The following ATP1B2 variants were observed in gnomAD, a reference collection of about 807,000 sequenced individuals.
The protein encoded by ATP1B2 is ATPase Na+/K+ transporting subunit beta 2, also known as sodium/potassium-transporting ATPase subunit beta-2.
ATP1B2 carries 12 observed loss-of-function variants against 37.3 expected under a neutral mutation model. That is an observed-to-expected ratio of 0.32 (90% CI 0.21 to 0.52). The LOEUF is 0.52. ATP1B2 is among the 20% of genes least tolerant of loss of function. ATP1B2 has a pLI of 0.96. For missense variants in ATP1B2, 324 were observed against 391.6 expected (o/e 0.83, Z 1.46); for synonymous variants, 139 against 140.5 (o/e 0.99, Z 0.07).
chr17:7,647,560 C>T (rs1157747346), upstream of ATP1B2, among the ~76,000 whole-genome samples: 2 of 152,200 alleles, frequency 1.3e-5, no homozygotes, highest in African/African-American at 4.8e-5. Flanking sequence ...GTGGCTCACG[C>T]CTGTAATCCC....
Position 7,654,185 on chromosome 17 carries a change from C to T in ATP1B2, c.480C>T (p.Cys160=). Reference sequence around the variant, plus strand: ...TCAACCGGACCCAGCTGGGCAACTGCTCCGGCATTGGGGACTCCACCCACT... The same window carrying T: ...TCAACCGGACCCAGCTGGGCAACTGTTCCGGCATTGGGGACTCCACCCACT... ...CQFNRTQLGN[C]SGIGDSTHYG... The change falls in exon 4 of 7, where the codon TGC becomes TGT. Residue 160 remains cysteine (C), a synonymous_variant. Coordinates refer to ENST00000250111, the MANE Select transcript of ATP1B2 (RefSeq NM_001678.5). This position sits in a 1 kb window ranked among gnomAD's most constrained non-coding sequence, Gnocchi z 4.9. 6.2e-7 allele frequency: 1 copy of T among 1,614,238 alleles called. No homozygotes were observed.
In ATP1B2 at chr17:7,657,380, TA is replaced by T. The variant is rs796107217; in HGVS notation, c.*1495del. ...CCATCTCTTCAGACCCCTTTGCCTTTAAAAAAAAAACAAAAACAAAAACAAA... is the reference window on the plus strand; with the variant it reads ...CCATCTCTTCAGACCCCTTTGCCTTTAAAAAAAAACAAAAACAAAAACAAA... On this transcript the variant is annotated 3_prime_UTR_variant, in exon 7 of 7. Coordinates refer to ENST00000250111, the MANE Select transcript of ATP1B2 (RefSeq NM_001678.5). 1.1e-4 allele frequency: 16 copies of T among 146,634 alleles called. No individual in the cohort carries two copies. The highest frequency in any genetic ancestry group is 4.0e-4 in the East Asian group (2 of 5,056). The allele number at this position is 146,634 out of a possible 1,614,324, so 9.1% of individuals were successfully genotyped here.
upstream of ATP1B2, among the ~76,000 whole-genome samples, chr17:7,649,155 C>T (rs1597332958): frequency 6.6e-6 from 1 of 152,166 alleles, no homozygotes; most frequent in South Asian, 2.1e-4. Context: ...CAGGTTCAAG[C>T]AATTCTCTTG....
intron 1 of ATP1B2, among the ~76,000 whole-genome samples, chr17:7,652,785 G>A (rs537941668): frequency 6.6e-6 from 1 of 152,170 alleles, no homozygotes; most frequent in African/African-American, 2.4e-5. Flanking sequence ...CAGGGTGCTG[G>A]GTGTGAACTG....
chr17:7,656,638 GC>G lies in ATP1B2; in HGVS notation c.*748del. On this transcript the variant is annotated 3_prime_UTR_variant, in exon 7 of 7. Coordinates refer to ENST00000250111, the MANE Select transcript of ATP1B2 (RefSeq NM_001678.5). Reference sequence around the variant, plus strand: ...GACCCTTCCTGAAAATCCTCTAGCAGCCCCCGACTTCAGCAGTTTCTTTCTT... The same window carrying G: ...GACCCTTCCTGAAAATCCTCTAGCAGCCCCGACTTCAGCAGTTTCTTTCTT... The G allele has an allele frequency of 6.5e-6, 1 of 152,946 alleles. No individual in the cohort carries two copies. Among genetic ancestry groups the G allele is most frequent in the Non-Finnish European group, 1.5e-5 (1 of 68,656 alleles). The allele number at this position is 152,946 out of a possible 1,614,324, so 9.5% of individuals were successfully genotyped here. A position where few individuals can be genotyped will look rare whatever the true frequency, so the allele number is the denominator to read the frequency against.
At chr17:7,648,774 A>G (rs997306258), upstream of ATP1B2, among the ~76,000 whole-genome samples, 1 of 152,062 alleles carries the variant, frequency 6.6e-6, no homozygotes, top group African/African-American at 2.4e-5. Context: ...GCCACTCCTC[A>G]GCTGAAAGTT....
upstream of ATP1B2, among the ~76,000 whole-genome samples, chr17:7,647,443 C>T (rs968943029): frequency 6.6e-6 from 1 of 152,154 alleles, no homozygotes; most frequent in African/African-American, 2.4e-5. Flanking sequence ...GGCAGGATTG[C>T]TTGAGGCCAG....
At position 7,651,751 on chromosome 17, in the gene ATP1B2, C is replaced by T. The variant is rs147089330; in HGVS notation, c.112+121C>T. On this transcript the variant is annotated intron_variant, in intron 1 of 6. Transcript: ENST00000250111. Reference sequence around the variant, plus strand: ...GGTCCCCGGCGTCCAGCCTCCCTGCCGGGCTCTGGGCTGGGAGGGGGCCGA... The same window carrying T: ...GGTCCCCGGCGTCCAGCCTCCCTGCTGGGCTCTGGGCTGGGAGGGGGCCGA... 3.0e-3 allele frequency: 2,570 copies of T among 865,658 alleles called. 45 individuals are homozygous for T. In the African/African-American group the frequency reaches 0.041, roughly 14 times the overall value. The allele number at this position is 865,658 out of a possible 1,614,324, so 53.6% of individuals were successfully genotyped here.
upstream of ATP1B2, among the ~76,000 whole-genome samples, chr17:7,650,160 T>A (rs1281132888): frequency 2.6e-5 from 4 of 152,020 alleles, no homozygotes; most frequent in Non-Finnish European, 5.9e-5. Flanking sequence ...AGTAGACACA[T>A]AAGGAGGTGA....
Position 7,655,663 on chromosome 17 carries a change from G to T in ATP1B2, c.708+38G>T. On this transcript the variant is annotated intron_variant, in intron 6 of 6. Coordinates refer to ENST00000250111, the MANE Select transcript of ATP1B2 (RefSeq NM_001678.5). The surrounding 1 kb of genome is among the most constrained non-coding windows in gnomAD (Gnocchi z 4.4). ...GGAGGCCCAGGCTGATGGCGGGTGCGGGTGGTGAGCTAGGGAAGGAGGCCG... is the reference window on the plus strand; with the variant it reads ...GGAGGCCCAGGCTGATGGCGGGTGCTGGTGGTGAGCTAGGGAAGGAGGCCG... The T allele has an allele frequency of 1.2e-6, 2 of 1,613,900 alleles. No individual in the cohort carries two copies.
At position 7,654,570 on chromosome 17, in the gene ATP1B2, A is replaced by T. The variant is rs1163446870; in HGVS notation, c.553-58A>T. 3 of 1,571,518 alleles carry T rather than the reference A, an allele frequency of 1.9e-6. No individual in the cohort carries two copies. The highest frequency in any genetic ancestry group is 4.5e-5 in the East Asian group (2 of 44,646). On this transcript the variant is annotated intron_variant, in intron 4 of 6. Transcript: ENST00000250111. The surrounding 1 kb of genome is among the most constrained non-coding windows in gnomAD (Gnocchi z 4.9). ...CAGTCCCCGGCTTAGCTTGGTCTGG[A>T]TGCCCATCTTCGACAACTTCTTCCT...
At chr17:7,653,782 C>A (rs991292151) in intron 2 of ATP1B2, 59 bp from the exon 3 acceptor site, 77 of 1,534,198 alleles carry the variant, frequency 5.0e-5, no homozygotes, top group Non-Finnish European at 6.8e-5. Flanking sequence ...ATTTTCTTCC[C>A]TCTGTGTGCA....
rs1050540 is a variant in ATP1B2, at chr17:7,657,424, C to T, written c.*1529C>T. On this transcript the variant is annotated 3_prime_UTR_variant, in exon 7 of 7. Coordinates refer to ENST00000250111, the MANE Select transcript of ATP1B2 (RefSeq NM_001678.5). ...AAAACAAAAAAACCCATAATGCCCA[C>T]AGAATGTCAAATGAGGGGCCTCCTG... 47,695 of 152,008 alleles carry T rather than the reference C, an allele frequency of 0.31. 7,854 individuals are homozygous for T. Among genetic ancestry groups the T allele is most frequent in the Non-Finnish European group, 0.35 (23,491 of 68,054 alleles). 9.4% of individuals were successfully genotyped at this position (152,008 alleles called of 1,614,324 possible). A position where few individuals can be genotyped will look rare whatever the true frequency, so the allele number is the denominator to read the frequency against.
At chr17:7,650,742 G>A (rs1461410993), upstream of ATP1B2, among the ~76,000 whole-genome samples, 2 of 152,110 alleles carry the variant, frequency 1.3e-5, no homozygotes, top group Non-Finnish European at 2.9e-5. Flanking sequence ...CTGGGGTGGG[G>A]GTAATGGAGA....
chr17:7,654,393 G>C lies in ATP1B2; in HGVS notation c.552+136G>C. ...TTTGTGTAGCTGAGAGAAAAAGAGA[G>C]GTGGGACTCTTGGAGGCTAAGCTCT... On this transcript the variant is annotated intron_variant, in intron 4 of 6. Coordinates refer to ENST00000250111, the MANE Select transcript of ATP1B2 (RefSeq NM_001678.5). This position sits in a 1 kb window ranked among gnomAD's most constrained non-coding sequence, Gnocchi z 4.9. 8.5e-7 allele frequency: 1 copy of C among 1,169,936 alleles called. No individual in the cohort carries two copies. 72.5% of individuals were successfully genotyped at this position (1,169,936 alleles called of 1,614,324 possible). A position where few individuals can be genotyped will look rare whatever the true frequency, so the allele number is the denominator to read the frequency against.
chr17:7,648,567 CAAAAAAAAAAAAAA>C (rs58333874), upstream of ATP1B2, among the ~76,000 whole-genome samples: 13 of 69,700 alleles, frequency 1.9e-4, no homozygotes, highest in Admixed American at 1.6e-3. Flanking sequence ...ACTCTGTCTC[CAAAAAAAAAAAAAA>C]AAAAAAAAAA....
chr17:7,649,199 C>T (rs1423088997), upstream of ATP1B2, among the ~76,000 whole-genome samples: 1 of 151,826 alleles, frequency 6.6e-6, no homozygotes, highest in East Asian at 1.9e-4. Context: ...ATTACAGGCT[C>T]CCACCACCGC....
chr17:7,647,022 A>G (rs369601074), upstream of ATP1B2, among the ~76,000 whole-genome samples: 15 of 149,034 alleles, frequency 1.0e-4, no homozygotes, highest in East Asian at 2.4e-3. Flanking sequence ...GCTACTTAGG[A>G]GGCTGAGCTG....
chr17:7,651,683 G>C (rs1372607643), intron 1 of ATP1B2, 53 bp downstream of exon 1: 3 of 1,479,692 alleles, frequency 2.0e-6, no homozygotes, highest in East Asian at 5.2e-5. Context: ...GCGACGCCTC[G>C]GGGGCGCAGG....
Sources: gnomAD v4.1 joint callset for allele counts (sites outside exome capture counted in the v4.1 genomes callset) on GRCh38, gnomAD v4.1.1 for gene constraint, Gnocchi (gnomAD v3.1) non-coding constraint, MANE v1.5 for transcripts, NCBI Gene and HGNC (gene_info 2026-07-23, HGNC 2026-07-21) for gene names.